Variants in PCDHA2 observed in about 807,000 individuals in gnomAD.
The protein encoded by PCDHA2 is protocadherin alpha 2.
Under a neutral mutation model 66.0 loss-of-function variants are expected in PCDHA2, and 58 were observed. The observed-to-expected ratio is 0.88, with a 90% CI of 0.71 to 1.09. The LOEUF is 1.09. PCDHA2 is among the 50% of genes least tolerant of loss of function. PCDHA2 has a pLI of 0.00. For synonymous variants in PCDHA2, 634 were observed against 554.0 expected (o/e 1.14, Z -2.03); for missense variants, 1,267 against 1,242.3 (o/e 1.02, Z -0.30).
rs782354452 is a variant in PCDHA2, at chr5:140,966,783, C to G, written c.2389-12166C>G. 28 of 1,520,948 alleles carry G rather than the reference C, an allele frequency of 1.8e-5. No homozygotes were observed. The highest frequency in any genetic ancestry group is 2.1e-4 in the Middle Eastern group (1 of 4,706). The allele number at this position is 1,520,948 out of a possible 1,614,324, so 94.2% of individuals were successfully genotyped here. On this transcript the variant is annotated intron_variant, in intron 1 of 3. Transcript: ENST00000526136. ...CCAGTGGCTATGGAGCAGGCGGGCA[C>G]CAGACCTGCGGCGACAGAGCATCCA...
In PCDHA2 at chr5:140,961,268, T is replaced by C. The variant is rs116524101; in HGVS notation, c.2389-17681T>C. Reference sequence around the variant, plus strand: ...TATCCGAAGCTCCAGGAAGCTTCTTTTTACCATGGCTCTGTTTCTTGAGGT... The same window carrying C: ...TATCCGAAGCTCCAGGAAGCTTCTTCTTACCATGGCTCTGTTTCTTGAGGT... On this transcript the variant is annotated intron_variant, in intron 1 of 3. Coordinates refer to ENST00000526136, the MANE Select transcript of PCDHA2 (RefSeq NM_018905.3). Among the ~76,000 whole-genome samples the C allele has an allele frequency of 5.5e-3, 833 of 152,318 alleles. 9 individuals carry two copies. The highest frequency in any genetic ancestry group is 0.019 in the African/African-American group (777 of 41,562).
intron 1 of PCDHA2, chr5:140,848,507 A>G: frequency 1.3e-6 from 2 of 1,588,934 alleles, no homozygotes. Flanking sequence ...TGTTATACTC[A>G]AGTCGAGGAG....
intron 1 of PCDHA2, among the ~76,000 whole-genome samples, chr5:140,951,377 G>T (rs2094577141): frequency 6.6e-6 from 1 of 152,070 alleles, no homozygotes; most frequent in Non-Finnish European, 1.5e-5. Context: ...AAACACCCAA[G>T]ACTCGGTAAT....
chr5:140,876,256 A>G (rs1554168418), intron 1 of PCDHA2: 1 of 1,614,042 alleles, frequency 6.2e-7, no homozygotes, highest in East Asian at 2.2e-5. Context: ...CACAAGAGTG[A>G]TCCAACTAAA....
At chr5:140,877,925 T>C in intron 1 of PCDHA2, 1 of 1,421,700 alleles carries the variant, frequency 7.0e-7, no homozygotes, top group Non-Finnish European at 9.2e-7. Flanking sequence ...TTTTTCTTTA[T>C]GATTCTATCC....
chr5:140,960,993 A>G (rs1053601284), intron 1 of PCDHA2, among the ~76,000 whole-genome samples: 1 of 152,140 alleles, frequency 6.6e-6, no homozygotes, highest in Non-Finnish European at 1.5e-5. Context: ...AAAATGCTCA[A>G]TTTGCTGCTG....
chr5:140,988,900 G>A (rs2097319351), intron 3 of PCDHA2: 1 of 152,194 alleles, frequency 6.6e-6, no homozygotes, highest in Admixed American at 6.5e-5. Context: ...ACATTTTAGA[G>A]GGTGTAGTGA....
At chr5:140,807,230 C>G in intron 1 of PCDHA2, 1 of 1,614,194 alleles carries the variant, frequency 6.2e-7, no homozygotes, top group Non-Finnish European at 8.5e-7. Context: ...CCGGCGTCTG[C>G]TGCTCTTACT....
rs782250124 is a variant in PCDHA2, at chr5:140,870,603, C to G, written c.2388+73251C>G. 14 of 1,613,222 alleles carry G rather than the reference C, an allele frequency of 8.7e-6. No individual in the cohort carries two copies. In the Middle Eastern group the frequency reaches 5.0e-4, roughly 58 times the overall value. On this transcript the variant is annotated intron_variant, in intron 1 of 3. Coordinates refer to ENST00000526136, the MANE Select transcript of PCDHA2 (RefSeq NM_018905.3). ...CGCTGGTGGAGCGGCGGTTGGGCGA[C>G]CGCGCGCTGTCGAGCTACGTGTCGG...
At chr5:140,824,231 C>G (rs2150133330) in intron 1 of PCDHA2, 1 of 1,533,044 alleles carries the variant, frequency 6.5e-7, no homozygotes, top group East Asian at 2.2e-5. Flanking sequence ...TCTTAGTACA[C>G]AAATATTGTG....
intron 1 of PCDHA2, chr5:140,822,433 GAACT>G (rs2150116346): frequency 1.9e-5 from 31 of 1,613,932 alleles, no homozygotes; most frequent in South Asian, 5.5e-5. Flanking sequence ...AGGAAAACCC[GAACT>G]AACAGGTACA....
At chr5:140,840,421 C>G (rs2150306670) in intron 1 of PCDHA2, among the ~76,000 whole-genome samples, 4 of 151,870 alleles carry the variant, frequency 2.6e-5, no homozygotes, top group Non-Finnish European at 5.9e-5. Flanking sequence ...AAATAATAGG[C>G]TAGTTTAAAG....
rs782017107 is a variant in PCDHA2 at position 140,968,690 on chromosome 5, A to G, written c.2389-10259A>G. ...TAAGGTAGAGCTGCACACAGGAGAAATTAGGACTACCAGGAAGATGGGAGA... is the reference window on the plus strand; with the variant it reads ...TAAGGTAGAGCTGCACACAGGAGAAGTTAGGACTACCAGGAAGATGGGAGA... On this transcript the variant is annotated intron_variant, in intron 1 of 3. Transcript: ENST00000526136. 60 of 1,614,030 alleles carry G rather than the reference A, an allele frequency of 3.7e-5. No individual in the cohort carries two copies. The highest frequency in any genetic ancestry group is 4.8e-5 in the Non-Finnish European group (57 of 1,180,040).
intron 1 of PCDHA2, among the ~76,000 whole-genome samples, chr5:140,837,942 G>T (rs1554136705): frequency 2.0e-5 from 3 of 151,768 alleles, no homozygotes; most frequent in Admixed American, 1.3e-4. Flanking sequence ...GCCTCCCAAA[G>T]TATTGGGATT....
intron 3 of PCDHA2, among the ~76,000 whole-genome samples, chr5:140,999,234 G>T (rs1327126129): frequency 1.3e-5 from 2 of 152,232 alleles, no homozygotes; most frequent in African/African-American, 4.8e-5. Context: ...AGAATAGGTG[G>T]TTAAAGTGGG....
chr5:140,926,985 G>A, intron 1 of PCDHA2: 1 of 1,611,068 alleles, frequency 6.2e-7, no homozygotes, highest in Non-Finnish European at 8.5e-7. Flanking sequence ...AGGAGACGGA[G>A]CGGGGCGTAG....
chr5:140,974,534 G>A (rs929112962), intron 1 of PCDHA2, among the ~76,000 whole-genome samples: 4 of 151,974 alleles, frequency 2.6e-5, no homozygotes, highest in Admixed American at 1.3e-4. Flanking sequence ...TTTTTGAGAC[G>A]GAGTTTTGCT....
At chr5:140,945,935 G>T (rs2093863887) in intron 1 of PCDHA2, among the ~76,000 whole-genome samples, 1 of 151,964 alleles carries the variant, frequency 6.6e-6, no homozygotes, top group Admixed American at 6.6e-5. Flanking sequence ...GAGCAATGAT[G>T]TTTTTTATAT....
intron 2 of PCDHA2, among the ~76,000 whole-genome samples, chr5:140,979,729 C>CA: frequency 6.6e-6 from 1 of 152,232 alleles, no homozygotes; most frequent in African/African-American, 2.4e-5. Flanking sequence ...GCCATGGGGC[C>CA]AAATAAAAGA....
Sources: gnomAD v4.1 joint callset for allele counts (sites outside exome capture counted in the v4.1 genomes callset) on GRCh38, gnomAD v4.1.1 for gene constraint, MANE v1.5 for transcripts, NCBI Gene and HGNC (gene_info 2026-07-23, HGNC 2026-07-21) for gene names.